AHCYL1: variants seen among roughly 807,000 people sequenced by gnomAD.
AHCYL1 encodes S-adenosylhomocysteine hydrolase-like protein 1.
A neutral mutation model predicts 79.3 loss-of-function variants in AHCYL1; 20 were observed. The observed-to-expected ratio is 0.25, with a 90% CI of 0.18 to 0.37. AHCYL1 has a LOEUF of 0.37. AHCYL1 is among the 10% of genes least tolerant of loss of function. The pLI is 1.00. For synonymous variants in AHCYL1, 223 were observed against 242.2 expected, an observed-to-expected ratio of 0.92 and a Z score of 0.74; for missense variants, 330 against 673.6, an observed-to-expected ratio of 0.49 and a Z score of 5.65.
At chr1:110,012,796 T>C (rs1386608655) in intron 4 of AHCYL1, 101 bp from the exon 5 acceptor site, 3 of 811,896 alleles carry the variant, frequency 3.7e-6, no homozygotes, top group Non-Finnish European at 5.6e-6. Context: ...GTAGCACCTG[T>C]TGGTGCAGAG....
chr1:109,996,853 A>G (rs1286596540), intron 1 of AHCYL1, among the ~76,000 whole-genome samples: 3 of 152,188 alleles, frequency 2.0e-5, no homozygotes, highest in Non-Finnish European at 4.4e-5. Context: ...GTAAGGGGGA[A>G]TTGGCAGCCT....
chr1:110,016,563 C>T, intron 8 of AHCYL1, 103 bp downstream of exon 8: 1 of 1,568,054 alleles, frequency 6.4e-7, no homozygotes, highest in Non-Finnish European at 8.7e-7. Context: ...CAACCAGCTT[C>T]CAATTGATAT....
intron 1 of AHCYL1, among the ~76,000 whole-genome samples, chr1:109,998,662 C>T (rs567361481): frequency 6.6e-6 from 1 of 151,986 alleles, no homozygotes; most frequent in South Asian, 2.1e-4. Context: ...ATTTTTAGTA[C>T]AGATGAGGTT....
chr1:109,985,154 C>G lies in AHCYL1; in HGVS notation c.102C>G (p.Val34=). The G allele has an allele frequency of 6.2e-7, 1 of 1,609,690 alleles. No individual in the cohort carries two copies. The highest frequency in any genetic ancestry group is 8.5e-7 in the Non-Finnish European group (1 of 1,178,398). ...AGAAGTACTCCTTCATGGCCACCGT[C>G]ACCAAGGCGCCCAAGAAGGTGCGGG... ...DAEKYSFMAT[V]TKAPKKQIQF... is the part of the protein sequence containing the mutation. Residue 34 remains valine, a synonymous_variant, in exon 1 of 17, where the codon GTC becomes GTG. Coordinates refer to ENST00000369799, the MANE Select transcript of AHCYL1 (RefSeq NM_006621.7).
At chr1:110,012,331 G>A (rs565067075) in intron 3 of AHCYL1, 31 bp from the exon 4 acceptor site, 2 of 1,599,528 alleles carry the variant, frequency 1.3e-6, no homozygotes, top group South Asian at 2.2e-5. Context: ...TGCTAGTGCA[G>A]ACCTAGCTCA....
rs760688020 is a variant in AHCYL1, at chr1:110,019,014, A to G, written c.1318-37A>G. The G allele has an allele frequency of 6.2e-6, 10 of 1,602,504 alleles. No homozygotes were observed. In the South Asian group the frequency reaches 7.7e-5, roughly 12 times the overall value. On this transcript the variant is annotated intron_variant, in intron 13 of 16. Transcript: ENST00000369799. ...GACTTGTATGCCATTGGAATCTGAG[A>G]CAGAGCTCATCCCAGGGCTCTCTCT...
At chr1:109,988,374 A>G (rs976389867) in intron 1 of AHCYL1, among the ~76,000 whole-genome samples, 1 of 152,252 alleles carries the variant, frequency 6.6e-6, no homozygotes, top group Admixed American at 6.5e-5. Context: ...GAGTTTTAAG[A>G]GTTAAGTGTA....
At chr1:109,994,296 C>T (rs1161686387) in intron 1 of AHCYL1, among the ~76,000 whole-genome samples, 2 of 152,070 alleles carry the variant, frequency 1.3e-5, no homozygotes, top group African/African-American at 2.4e-5. Context: ...GATTTTTGCT[C>T]TTGTCGCCCA....
intron 1 of AHCYL1, among the ~76,000 whole-genome samples, chr1:109,992,080 G>C (rs550918069): frequency 1.9e-4 from 29 of 151,812 alleles, no homozygotes; most frequent in African/African-American, 6.8e-4. Context: ...AAATCTGGGG[G>C]CGGGGGGAAG....
chr1:109,995,793 T>G (rs1414044643), intron 1 of AHCYL1: 13 of 674,422 alleles, frequency 1.9e-5, no homozygotes, highest in Non-Finnish European at 2.4e-5. Flanking sequence ...GAGCTGAGAG[T>G]AAGAGAACAG....
At chr1:110,017,368 T>C (rs1178942972) in intron 9 of AHCYL1, 127 bp from the exon 10 acceptor site, 9 of 764,582 alleles carry the variant, frequency 1.2e-5, no homozygotes, top group African/African-American at 5.2e-5. Context: ...TTGGAGCGTC[T>C]GTGCAGCTGC....
chr1:109,985,494 C>T (rs766149364), intron 1 of AHCYL1: 241 of 1,059,980 alleles, frequency 2.3e-4, no homozygotes, highest in Non-Finnish European at 2.7e-4. Context: ...ACTCAGCTGA[C>T]CCTTGTGACC....
chr1:109,985,891 C>T (rs1332458966), intron 1 of AHCYL1, among the ~76,000 whole-genome samples: 1 of 152,156 alleles, frequency 6.6e-6, no homozygotes, highest in Non-Finnish European at 1.5e-5. Flanking sequence ...GGGAAGATTG[C>T]TCACTCTTGA....
chr1:109,993,978 C>G (rs778525477), intron 1 of AHCYL1, among the ~76,000 whole-genome samples: 3 of 152,156 alleles, frequency 2.0e-5, no homozygotes, highest in Non-Finnish European at 2.9e-5. Context: ...ACAACAGCTC[C>G]GTCCGGCAGT....
At chr1:110,011,399 T>C (rs1651018018) in intron 3 of AHCYL1, 42 bp downstream of exon 3, 2 of 1,603,966 alleles carry the variant, frequency 1.2e-6, no homozygotes, top group Non-Finnish European at 1.7e-6. Flanking sequence ...AACAACCCTC[T>C]TGTTGGCCAT....
At chr1:109,997,347 C>T (rs1650081857) in intron 1 of AHCYL1, among the ~76,000 whole-genome samples, 1 of 151,978 alleles carries the variant, frequency 6.6e-6, no homozygotes, top group African/African-American at 2.4e-5. Context: ...TTGAAATAGC[C>T]AGAGTAGAGA....
chr1:109,993,117 G>T (rs930750440), intron 1 of AHCYL1, among the ~76,000 whole-genome samples: 3 of 152,136 alleles, frequency 2.0e-5, no homozygotes, highest in Non-Finnish European at 4.4e-5. Context: ...CGGCATTTCG[G>T]CCACTTTGGG....
At chr1:110,010,154 G>A (rs538763345) in intron 2 of AHCYL1, among the ~76,000 whole-genome samples, 9 of 152,292 alleles carry the variant, frequency 5.9e-5, no homozygotes, top group African/African-American at 1.7e-4. Flanking sequence ...GAGGAAGAAC[G>A]ATAAAACGAC....
Position 109,984,989 on chromosome 1 carries a change from G to A in AHCYL1, c.-64G>A. The A allele has an allele frequency of 7.2e-7, 1 of 1,392,652 alleles. No homozygotes were observed. The highest frequency in any genetic ancestry group is 9.3e-7 in the Non-Finnish European group (1 of 1,074,336). 86.3% of individuals were successfully genotyped at this position (1,392,652 alleles called of 1,614,324 possible). A position where few individuals can be genotyped will look rare whatever the true frequency, so the allele number is the denominator to read the frequency against. On this transcript the variant is annotated 5_prime_UTR_variant, in exon 1 of 17. Coordinates refer to ENST00000369799, the MANE Select transcript of AHCYL1 (RefSeq NM_006621.7). ...CGGAGGGCGCCGCGCGGGCAGGCGG[G>A]CGGGCGCCAGAGGGGGAAAGAGGCG...
Sources: gnomAD v4.1 joint callset for allele counts (sites outside exome capture counted in the v4.1 genomes callset) on GRCh38, gnomAD v4.1.1 for gene constraint, MANE v1.5 for transcripts, NCBI Gene and HGNC (gene_info 2026-07-23, HGNC 2026-07-21) for gene names.